Variants in ZBTB4 observed in about 807,000 individuals in gnomAD.
The protein encoded by ZBTB4 is zinc finger and BTB domain-containing protein 4.
Under a neutral mutation model 59.8 loss-of-function variants are expected in ZBTB4, and 14 were observed. The observed-to-expected ratio is 0.23, with a 90% CI of 0.15 to 0.37. The LOEUF (loss-of-function observed/expected upper bound fraction) is 0.37. Among genes scored for constraint, ZBTB4 ranks in the 10% least tolerant of loss-of-function variants. The probability of loss-of-function intolerance (pLI) is 1.00; values close to 1 mark genes in which losing one functional copy is unlikely to be tolerated. For synonymous variants in ZBTB4, 587 were observed against 575.2 expected (o/e 1.02, Z -0.29); for missense variants, 1,198 against 1,380.8 (o/e 0.87, Z 2.10).
intron 1 of ZBTB4, among the ~76,000 whole-genome samples, chr17:7,469,256 T>G (rs1397373714): frequency 2.0e-5 from 3 of 152,108 alleles, no homozygotes; most frequent in African/African-American, 7.2e-5. Context: ...AACCCCCGCC[T>G]CCTAGGTTCA....
At position 7,463,721 on chromosome 17, in the gene ZBTB4, G is replaced by A. The variant is rs931861539; in HGVS notation, c.1261C>T (p.Arg421Trp). Residue 421 changes from arginine (R) to tryptophan (W), a missense_variant, in exon 4 of 4, where the codon CGG (arginine) becomes TGG (tryptophan). Physicochemically the swap from Arg to Trp is moderately radical, Grantham distance 101. Around this residue, in one of 9 missense-constraint regions of ZBTB4, gnomAD observed 60 missense variants for 93.0 expected, o/e 0.64. Transcript: ENST00000380599. ...GTCTTGTAGGGCCGCTTGGCTGCCC[G>A]CATGGGGAGCAGGCGGTAGAGCTTG... is the stretch of plus-strand genomic sequence containing the variant. ...TLKLYRLLPM[R>W]AAKRPYKTYS... The A allele has an allele frequency of 3.1e-6, 5 of 1,613,874 alleles. No homozygotes were observed. The highest frequency in any genetic ancestry group is 3.4e-6 in the Non-Finnish European group (4 of 1,180,018).
intron 1 of ZBTB4, among the ~76,000 whole-genome samples, chr17:7,468,150 CA>C (rs1402787079): frequency 6.6e-6 from 1 of 152,230 alleles, no homozygotes; most frequent in Non-Finnish European, 1.5e-5. Context: ...AGGGGTGGAT[CA>C]CCTGAGGTCA....
intron 1 of ZBTB4, among the ~76,000 whole-genome samples, chr17:7,476,619 G>A (rs1018431242): frequency 3.3e-5 from 5 of 152,050 alleles, no homozygotes; most frequent in African/African-American, 7.3e-5. Context: ...CCTCCAAAAC[G>A]TTAAGATCTG....
Position 7,463,295 on chromosome 17 carries a change from G to A in ZBTB4, c.1687C>T (p.Arg563Trp), listed in dbSNP as rs762257816. 21 of 1,609,926 alleles carry A rather than the reference G, an allele frequency of 1.3e-5. No individual in the cohort carries two copies. The highest frequency in any genetic ancestry group is 1.4e-5 in the Non-Finnish European group (17 of 1,178,596). The change falls in exon 4 of 4, where the codon CGG (arginine) becomes TGG (tryptophan). Residue 563 changes from arginine (R) to tryptophan (W), a missense_variant. Transcript: ENST00000380599. ...TTEEAKGRNP[R>W]AGRTLTYTAK... is the part of the protein sequence containing the mutation. ...GTGTAAGTCAGAGTCCTTCCAGCCC[G>A]TGGATTCCGGCCCTTGGCCTCCTCC...
In ZBTB4 at chr17:7,460,028, T is replaced by C. The variant is rs1044393346; in HGVS notation, c.*1912A>G. ...GATAGATATATAATTTGTGTGTAGA[T>C]ATATATATATGTATTCTTTATTACG... On this transcript the variant is annotated 3_prime_UTR_variant, in exon 4 of 4. Coordinates refer to ENST00000380599, the MANE Select transcript of ZBTB4 (RefSeq NM_001128833.2). 2 of 152,560 alleles carry C rather than the reference T, an allele frequency of 1.3e-5. No individual in the cohort carries two copies. The highest frequency in any genetic ancestry group is 1.9e-4 in the East Asian group (1 of 5,204). 9.5% of individuals were successfully genotyped at this position (152,560 alleles called of 1,614,324 possible).
At chr17:7,464,107 G>A (rs1013989651) in intron 3 of ZBTB4, among the ~76,000 whole-genome samples, 5 of 152,186 alleles carry the variant, frequency 3.3e-5, no homozygotes, top group Admixed American at 6.5e-5. Flanking sequence ...CATCTGGGAC[G>A]CAGCCTAACT....
intron 1 of ZBTB4, among the ~76,000 whole-genome samples, chr17:7,468,173 C>T (rs2070153037): frequency 6.6e-6 from 1 of 152,194 alleles, no homozygotes; most frequent in Non-Finnish European, 1.5e-5. Flanking sequence ...GAGTTCAAGA[C>T]CAGCCTGACC....
Position 7,466,400 on chromosome 17 carries a change from A to G in ZBTB4, c.402T>C (p.Ala134=). ...TGAAGTTGAGGACATCAGAAAACGC[A>G]GCTGCTGGGACTCCTGGCAACTCCA... ...RVLELPGVPA[A]AFSDVLNFIY... Residue 134 remains alanine, a synonymous_variant, in exon 3 of 4, where the codon GCT becomes GCC. Coordinates refer to ENST00000380599, the MANE Select transcript of ZBTB4 (RefSeq NM_001128833.2). The surrounding 1 kb of genome is among the most constrained non-coding windows in gnomAD (Gnocchi z 9.1). 1 of 1,613,962 alleles carries G rather than the reference A, an allele frequency of 6.2e-7. No homozygotes were observed. The highest frequency in any genetic ancestry group is 8.5e-7 in the Non-Finnish European group (1 of 1,179,974).
At chr17:7,478,852 C>A (rs1020547559) in intron 1 of ZBTB4, among the ~76,000 whole-genome samples, 1 of 152,202 alleles carries the variant, frequency 6.6e-6, no homozygotes, top group Admixed American at 6.5e-5. Flanking sequence ...AGACCCCTGG[C>A]TGCCAGCAAA....
At chr17:7,470,083 AAAAT>A (rs935500569) in intron 1 of ZBTB4, among the ~76,000 whole-genome samples, 4 of 152,166 alleles carry the variant, frequency 2.6e-5, no homozygotes, top group South Asian at 2.1e-4. Context: ...TCTGTCTCAA[AAAAT>A]AAATAAATAA....
At chr17:7,464,755 T>C (rs1447030693) in intron 3 of ZBTB4, among the ~76,000 whole-genome samples, 6 of 144,032 alleles carry the variant, frequency 4.2e-5, no homozygotes, top group Admixed American at 2.1e-4. Context: ...GGAGAATCGC[T>C]TGAACCCAGG....
chr17:7,468,346 C>A (rs1256203645), intron 1 of ZBTB4, among the ~76,000 whole-genome samples: 7 of 151,966 alleles, frequency 4.6e-5, no homozygotes, highest in Non-Finnish European at 5.9e-5. Context: ...GCACTCCAGC[C>A]TGGGCAACAA....
intron 1 of ZBTB4, among the ~76,000 whole-genome samples, chr17:7,474,956 G>A (rs560298569): frequency 8.0e-5 from 12 of 149,238 alleles, no homozygotes; most frequent in Admixed American, 6.1e-4. Context: ...CGGTTGCAGC[G>A]AGCAGAGATT....
rs989030758 is a variant in ZBTB4 at position 7,460,017 on chromosome 17, T to G, written c.*1923A>C. 9 of 152,724 alleles carry G rather than the reference T, an allele frequency of 5.9e-5. No homozygotes were observed. Among genetic ancestry groups the G allele is most frequent in the African/African-American group, 2.2e-4 (9 of 41,554 alleles). The allele number at this position is 152,724 out of a possible 1,614,324, so 9.5% of individuals were successfully genotyped here. Reference sequence around the variant, plus strand: ...CTGTATAGATAGATAGATATATAATTTGTGTGTAGATATATATATATGTAT... The same window carrying G: ...CTGTATAGATAGATAGATATATAATGTGTGTGTAGATATATATATATGTAT... On this transcript the variant is annotated 3_prime_UTR_variant, in exon 4 of 4. Transcript: ENST00000380599.
intron 3 of ZBTB4, among the ~76,000 whole-genome samples, chr17:7,465,371 T>C (rs575395611): frequency 6.8e-6 from 1 of 147,486 alleles, no homozygotes; most frequent in East Asian, 2.0e-4. Flanking sequence ...TGAGGCAGAA[T>C]TGCTTGAACT....
At position 7,466,341 on chromosome 17, in the gene ZBTB4, C is replaced by T; in HGVS notation, c.461G>A (p.Gly154Glu). The T allele has an allele frequency of 6.2e-7, 1 of 1,614,052 alleles. No homozygotes were observed. The highest frequency in any genetic ancestry group is 8.5e-7 in the Non-Finnish European group (1 of 1,180,008). ...YSARLALPGGGGDGAAVAEIG... is the reference protein window; with the variant it reads ...YSARLALPGGEGDGAAVAEIG... ...CTCTGCTACAGCTGCCCCGTCCCCT[C>T]CACCACCAGGCAGTGCGAGCCGGGC... Residue 154 changes from glycine (G) to glutamate (E), a missense_variant, in exon 3 of 4, where the codon GGA becomes GAA. Gly to Glu is a moderately conservative substitution (Grantham distance 98, BLOSUM62 -2). Coordinates refer to ENST00000380599, the MANE Select transcript of ZBTB4 (RefSeq NM_001128833.2). The surrounding 1 kb of genome is among the most constrained non-coding windows in gnomAD (Gnocchi z 9.1).
upstream of ZBTB4, chr17:7,481,648 T>C: frequency 1.4e-6 from 1 of 708,170 alleles, no homozygotes; most frequent in East Asian, 2.9e-5. Context: ...TGTACCCAGA[T>C]GTCTCTGGAA....
At chr17:7,476,607 T>A (rs1248915797) in intron 1 of ZBTB4, among the ~76,000 whole-genome samples, 1 of 152,078 alleles carries the variant, frequency 6.6e-6, no homozygotes, top group Non-Finnish European at 1.5e-5. Flanking sequence ...CTTGTCAAAA[T>A]CCCTCCAAAA....
At position 7,462,405 on chromosome 17, in the gene ZBTB4, T is replaced by G; in HGVS notation, c.2577A>C (p.Pro859=). ...CATAGCTGCCCCCGCTTGCCACTAC[T>G]GGGGGCTCCTCACCCCCTGAAATGA... ...DPIISGGEEP[P]VVASGGSYVY... is the part of the protein sequence containing the mutation. The change falls in exon 4 of 4, where the codon CCA becomes CCC. Residue 859 remains proline, a synonymous_variant. Transcript: ENST00000380599. The surrounding 1 kb of genome is among the most constrained non-coding windows in gnomAD (Gnocchi z 7.5). 1 of 1,613,928 alleles carries G rather than the reference T, an allele frequency of 6.2e-7. No individual in the cohort carries two copies. Among genetic ancestry groups the G allele is most frequent in the Non-Finnish European group, 8.5e-7 (1 of 1,179,986 alleles).
Sources: allele counts gnomAD v4.1 joint callset (sites outside exome capture counted in the v4.1 genomes callset), GRCh38; gene constraint gnomAD v4.1.1; regional missense constraint gnomAD v4.1.1; non-coding constraint Gnocchi (gnomAD v3.1); transcripts MANE v1.5; gene names NCBI Gene and HGNC (gene_info 2026-07-23, HGNC 2026-07-21).